The following SLC12A9 variants were observed in gnomAD, a reference collection of about 807,000 sequenced individuals.
SLC12A9 encodes the protein solute carrier family 12 member 9.
Under a neutral mutation model 66.0 loss-of-function variants are expected in SLC12A9, and 55 were observed. That is an observed-to-expected ratio of 0.83 (90% confidence interval 0.67 to 1.04). The LOEUF (loss-of-function observed/expected upper bound fraction) is 1.04. Among genes scored for constraint, SLC12A9 ranks in the 50% least tolerant of loss-of-function variants. The pLI, the probability that SLC12A9 is intolerant of heterozygous loss-of-function variation, is 0.00. For missense variants in SLC12A9, 1,061 were observed against 1,241.9 expected, an observed-to-expected ratio of 0.85 and a Z score of 2.19; for synonymous variants, 577 against 569.0, an observed-to-expected ratio of 1.01 and a Z score of -0.20.
intron 1 of SLC12A9, among the ~76,000 whole-genome samples, chr7:100,845,245 T>C (rs1813882940): frequency 6.6e-6 from 1 of 150,640 alleles, no homozygotes; most frequent in African/African-American, 2.4e-5. Context: ...CCACCAGGAC[T>C]GGACGGCCCC....
chr7:100,856,798 C>T (rs753255495), intron 4 of SLC12A9, 70 bp from the exon 5 acceptor site: 231 of 1,434,484 alleles, frequency 1.6e-4, no homozygotes, highest in Middle Eastern at 3.7e-4. Context: ...AGATGTGAGC[C>T]GCCCACCATG....
chr7:100,848,990 G>GTT (rs1270161523), upstream of SLC12A9, among the ~76,000 whole-genome samples: 2 of 142,954 alleles, frequency 1.4e-5, no homozygotes, highest in African/African-American at 2.5e-5. Context: ...TTAGTTTTTT[G>GTT]TTTTTTTTTT....
At position 100,862,735 on chromosome 7, in the gene SLC12A9, T is replaced by C. The variant is rs757933227; in HGVS notation, c.1766T>C (p.Val589Ala). 4 of 1,614,208 alleles carry C rather than the reference T, an allele frequency of 2.5e-6. No homozygotes were observed. The highest frequency in any genetic ancestry group is 4.5e-5 in the East Asian group (2 of 44,888). Residue 589 changes from valine (V) to alanine (A), a missense_variant, in exon 13 of 14, where the codon GTG (valine) becomes GCG (alanine). Coordinates refer to ENST00000354161, the MANE Select transcript of SLC12A9 (RefSeq NM_020246.4). ...CAGTATGGGGCATGGCTCAGCCTGG[T>C]GGACCGTGCCCAGGTGAAGGCTTTT... The part of the protein sequence containing the change: ...QPQYGAWLSL[V>A]DRAQVKAFVD...
In SLC12A9 at chr7:100,836,282, G is replaced by A. The variant is rs558766593; in HGVS notation, n.228+9235G>A. 1.1e-4 allele frequency among the ~76,000 whole-genome samples: 17 copies of A among 152,300 alleles called. No individual in the cohort carries two copies. In the South Asian group the frequency reaches 3.5e-3, roughly 32 times the overall value. On this transcript the variant is annotated intron_variant and non_coding_transcript_variant, in intron 1 of 1. Transcript: ENST00000461016. ...GACAAGAAGCTCTTGGGCTGGTTAG[G>A]GAAGCTTGGCACAGAAAGATGTGTG...
chr7:100,844,901 T>G (rs1180164814), intron 1 of SLC12A9, among the ~76,000 whole-genome samples: 1 of 151,984 alleles, frequency 6.6e-6, no homozygotes, highest in Non-Finnish European at 1.5e-5. Context: ...AACAAGAAAT[T>G]TGTTTTTGCA....
At chr7:100,826,877 G>C (rs1269378029) in exon 1 of SLC12A9, 3 of 1,372,248 alleles carry the variant, frequency 2.2e-6, no homozygotes, top group African/African-American at 1.4e-5. Context: ...GCAGTGCCCG[G>C]GTAGGGGTAG....
chr7:100,851,784 C>CAA (rs66749400), upstream of SLC12A9, among the ~76,000 whole-genome samples: 706 of 74,150 alleles, frequency 9.5e-3, 17 homozygotes, highest in African/African-American at 0.033. Context: ...GTTCCTGGAT[C>CAA]AAAAAAAAAA....
At chr7:100,842,715 A>C (rs1813812767) in intron 1 of SLC12A9, among the ~76,000 whole-genome samples, 1 of 152,260 alleles carries the variant, frequency 6.6e-6, no homozygotes, top group South Asian at 2.1e-4. Context: ...AATGGATCAA[A>C]TATTCCATCT....
chr7:100,859,406 C>A, intron 7 of SLC12A9: 1 of 541,328 alleles, frequency 1.8e-6, no homozygotes, highest in Non-Finnish European at 3.3e-6. Flanking sequence ...AATATTTGGC[C>A]TCTTGTGCAT....
Position 100,856,858 on chromosome 7 carries a change from C to A in SLC12A9, c.449-10C>A, listed in dbSNP as rs1814416571. The A allele has an allele frequency of 1.3e-6, 2 of 1,577,240 alleles. No individual in the cohort carries two copies. Among genetic ancestry groups the A allele is most frequent in the African/African-American group, 2.7e-5 (2 of 74,462 alleles). On this transcript the variant is annotated splice_polypyrimidine_tract_variant and intron_variant, in intron 4 of 13. Coordinates refer to ENST00000354161, the MANE Select transcript of SLC12A9 (RefSeq NM_020246.4). ...TCGGGCCTTCTAACTCTGTCCCTAC[C>A]TCTCTCCAGATGCCACAGGGCCCAG...
chr7:100,840,031 C>A (rs1813751553), intron 1 of SLC12A9, among the ~76,000 whole-genome samples: 1 of 151,660 alleles, frequency 6.6e-6, no homozygotes, highest in African/African-American at 2.4e-5. Context: ...TGTACCGGCA[C>A]TTTAGTTTTT....
intron 2 of SLC12A9, 31 bp from the exon 3 acceptor site, chr7:100,854,589 C>G (rs754360556): frequency 5.6e-6 from 9 of 1,613,322 alleles, no homozygotes; most frequent in South Asian, 3.3e-5. Context: ...GTGTGAGTCC[C>G]CTGTGACCTG....
Position 100,862,807 on chromosome 7 carries a change from T to G in SLC12A9, c.1838T>G (p.Leu613Arg). 6.2e-7 allele frequency: 1 copy of G among 1,614,142 alleles called. No individual in the cohort carries two copies. The highest frequency in any genetic ancestry group is 8.5e-7 in the Non-Finnish European group (1 of 1,180,040). Residue 613 changes from leucine (L) to arginine (R), a missense_variant, in exon 13 of 14, where the codon CTG becomes CGG. By Grantham distance (102) the Leu-to-Arg change is moderately radical (BLOSUM62 -2). Coordinates refer to ENST00000354161, the MANE Select transcript of SLC12A9 (RefSeq NM_020246.4). ...SPSVRQGAQH[L>R]LRISGLGGMK... is the part of the protein sequence containing the mutation. ...TCCGTGCGCCAGGGGGCTCAGCATC[T>G]GCTGCGAATCTCCGGCCTCGGTGAG...
intron 7 of SLC12A9, chr7:100,859,632 G>A: frequency 2.1e-6 from 1 of 482,250 alleles, no homozygotes. Flanking sequence ...GATTGCTTGA[G>A]TCCAAGAGGT....
chr7:100,863,667 G>A (rs1369249500), intron 13 of SLC12A9, among the ~76,000 whole-genome samples: 1 of 152,236 alleles, frequency 6.6e-6, no homozygotes, highest in African/African-American at 2.4e-5. Context: ...TGGGGCGGAC[G>A]TCTGTGGATG....
chr7:100,858,747 C>T (rs1814556480), intron 5 of SLC12A9, 88 bp from the exon 6 acceptor site: 4 of 1,262,106 alleles, frequency 3.2e-6, no homozygotes, highest in Non-Finnish European at 1.1e-6. Flanking sequence ...GCAAGAGGAC[C>T]GTGGGAATGT....
At chr7:100,850,997 C>T (rs1026058790), upstream of SLC12A9, among the ~76,000 whole-genome samples, 3 of 152,042 alleles carry the variant, frequency 2.0e-5, no homozygotes, top group African/African-American at 2.4e-5. Flanking sequence ...GGATTACAGG[C>T]GTGAGCCACC....
intron 13 of SLC12A9, 182 bp from the exon 14 acceptor site, chr7:100,865,537 T>C: frequency 6.4e-7 from 1 of 1,564,700 alleles, no homozygotes. Flanking sequence ...CATGTGAAAG[T>C]GTTTAGGAAA....
At chr7:100,855,398 A>G (rs1584694113) in intron 3 of SLC12A9, 1 of 330,840 alleles carries the variant, frequency 3.0e-6, no homozygotes, top group Non-Finnish European at 5.7e-6. Flanking sequence ...CTAGGATTAC[A>G]GGCGTCAGCC....
Sources: gnomAD v4.1 joint callset for allele counts (sites outside exome capture counted in the v4.1 genomes callset) on GRCh38, gnomAD v4.1.1 for gene constraint, MANE v1.5 for transcripts, NCBI Gene and HGNC (gene_info 2026-07-23, HGNC 2026-07-21) for gene names.